OVOL2: variants seen among roughly 807,000 people sequenced by gnomAD.
The protein encoded by OVOL2 is ovo like zinc finger 2.
Under a neutral mutation model 18.1 loss-of-function variants are expected in OVOL2, and 13 were observed. That is an observed-to-expected ratio of 0.72 (90% CI 0.47 to 1.14). The LOEUF (loss-of-function observed/expected upper bound fraction) is 1.14. Ranked by LOEUF, OVOL2 falls within the 50% of genes most tolerant of loss-of-function variation. The probability of loss-of-function intolerance (pLI) is 0.00; values close to 1 mark genes in which losing one functional copy is unlikely to be tolerated. For missense variants in OVOL2, 335 were observed against 383.0 expected (o/e 0.87, Z 1.05); for synonymous variants, 166 against 162.7 (o/e 1.02, Z -0.16).
intron 3 of OVOL2, among the ~76,000 whole-genome samples, chr20:18,027,246 G>A (rs141049055): frequency 6.6e-6 from 1 of 152,172 alleles, no homozygotes; most frequent in Non-Finnish European, 1.5e-5. Context: ...GAATTGGCTG[G>A]GTGCTTCACA....
At chr20:18,042,063 C>T (rs557891439) in intron 2 of OVOL2, among the ~76,000 whole-genome samples, 1 of 151,880 alleles carries the variant, frequency 6.6e-6, no homozygotes, top group African/African-American at 2.4e-5. Context: ...GGGGCACATA[C>T]AACCACGCCT....
At chr20:18,031,434 G>A (rs569220114) in intron 3 of OVOL2, among the ~76,000 whole-genome samples, 201 of 152,230 alleles carry the variant, frequency 1.3e-3, no homozygotes, top group Middle Eastern at 6.8e-3. Flanking sequence ...AAATTTAGCC[G>A]GGCATGGTGG....
intron 3 of OVOL2, among the ~76,000 whole-genome samples, chr20:18,026,595 A>G (rs1300591246): frequency 3.3e-5 from 5 of 152,032 alleles, no homozygotes; most frequent in Admixed American, 1.3e-4. Flanking sequence ...GTTAGCCAGA[A>G]TGGTCTCGAT....
intron 3 of OVOL2, among the ~76,000 whole-genome samples, chr20:18,034,674 C>T (rs2122699081): frequency 6.6e-6 from 1 of 150,958 alleles, no homozygotes; most frequent in South Asian, 2.1e-4. Context: ...CACACACACC[C>T]CTCCGATTTA....
rs1239247967 is a variant in OVOL2 at position 18,057,036 on chromosome 20, G to T, written c.101-159C>A. On this transcript the variant is annotated intron_variant, in intron 1 of 3. Coordinates refer to ENST00000278780, the MANE Select transcript of OVOL2 (RefSeq NM_021220.4). The surrounding 1 kb of genome is among the most constrained non-coding windows in gnomAD (Gnocchi z 6.3). ...GGGGGAGGCCAGTAAGCCCCGAATC[G>T]GCCCACAGAGCTAGCTTGGGGTGCT... Among the ~76,000 whole-genome samples the T allele has an allele frequency of 1.3e-5, 2 of 152,116 alleles. No individual in the cohort carries two copies. The highest frequency in any genetic ancestry group is 2.9e-5 in the Non-Finnish European group (2 of 68,014).
At chr20:18,053,218 C>T (rs1419436423) in intron 2 of OVOL2, among the ~76,000 whole-genome samples, 1 of 152,210 alleles carries the variant, frequency 6.6e-6, no homozygotes, top group African/African-American at 2.4e-5. Context: ...TTAAAACTTG[C>T]TGTATGTCAC....
intron 3 of OVOL2, among the ~76,000 whole-genome samples, chr20:18,039,526 G>A (rs1178243129): frequency 1.3e-5 from 2 of 149,938 alleles, no homozygotes; most frequent in African/African-American, 4.9e-5. Context: ...CAGCTACTAG[G>A]GGTGCTGAAG....
intron 2 of OVOL2, 99 bp from the exon 3 acceptor site, chr20:18,041,822 T>A (rs1364278618): frequency 9.3e-7 from 1 of 1,069,934 alleles, no homozygotes; most frequent in Non-Finnish European, 1.3e-6. Context: ...GGCTGCCCTG[T>A]CTGCGGCTTC....
intron 2 of OVOL2, among the ~76,000 whole-genome samples, chr20:18,055,035 G>A (rs1338435703): frequency 6.6e-6 from 1 of 151,996 alleles, no homozygotes; most frequent in Non-Finnish European, 1.5e-5. Context: ...AAATTCCCCT[G>A]GAAACTATGG....
chr20:18,047,583 G>C (rs143527150), intron 2 of OVOL2, among the ~76,000 whole-genome samples: 2 of 148,544 alleles, frequency 1.3e-5, no homozygotes, highest in African/African-American at 5.0e-5. Context: ...GCAGGGCACA[G>C]TGGCTCACAC....
intron 3 of OVOL2, among the ~76,000 whole-genome samples, chr20:18,040,880 T>G (rs1266617217): frequency 6.6e-6 from 1 of 152,156 alleles, no homozygotes; most frequent in East Asian, 1.9e-4. Context: ...TATAAAATAC[T>G]CATTGTGGGG....
intron 2 of OVOL2, among the ~76,000 whole-genome samples, chr20:18,055,105 C>G (rs1467424080): frequency 6.6e-6 from 1 of 152,124 alleles, no homozygotes; most frequent in Non-Finnish European, 1.5e-5. Flanking sequence ...TCCCCCAGCA[C>G]ACAGGCAACT....
chr20:18,041,777 G>A, intron 2 of OVOL2, 54 bp from the exon 3 acceptor site: 15 of 1,547,970 alleles, frequency 9.7e-6, no homozygotes, highest in Non-Finnish European at 1.3e-5. Context: ...ACATCCAGTA[G>A]GCTCACTCAA....
Position 18,025,270 on chromosome 20 carries a change from A to T in OVOL2, c.512-318T>A, listed in dbSNP as rs184034226. Among the ~76,000 whole-genome samples, 235 of 152,212 alleles carry T rather than the reference A, an allele frequency of 1.5e-3. 1 individual carries two copies. The highest frequency in any genetic ancestry group is 5.5e-3 in the African/African-American group (227 of 41,526). On this transcript the variant is annotated intron_variant, in intron 3 of 3. Transcript: ENST00000278780. ...ATTATTGTGAGCAAAGTAAACTTTT[A>T]AAAAAAATTAATTCGGGCCAGGTGC...
chr20:18,055,483 G>A (rs371526731), intron 2 of OVOL2, among the ~76,000 whole-genome samples: 4 of 152,304 alleles, frequency 2.6e-5, no homozygotes, highest in Non-Finnish European at 2.9e-5. Context: ...TTACCGCTAA[G>A]CTGCCGGCCC....
At chr20:18,044,148 C>A (rs2036702482) in intron 2 of OVOL2, among the ~76,000 whole-genome samples, 1 of 152,170 alleles carries the variant, frequency 6.6e-6, no homozygotes. Context: ...CCCCTGGGGT[C>A]TTGTTAAAAT....
upstream of OVOL2, among the ~76,000 whole-genome samples, chr20:18,058,220 C>T (rs1290564592): frequency 1.3e-5 from 2 of 152,090 alleles, no homozygotes; most frequent in African/African-American, 2.4e-5. Flanking sequence ...CCTCCCCCGC[C>T]CGGTGGATTT....
intron 3 of OVOL2, among the ~76,000 whole-genome samples, chr20:18,031,701 G>A (rs1483461570): frequency 1.3e-5 from 2 of 152,222 alleles, no homozygotes; most frequent in Non-Finnish European, 2.9e-5. Context: ...CAAAAGGAAA[G>A]GATAATTTTT....
chr20:18,043,804 G>A (rs2036699565), intron 2 of OVOL2, among the ~76,000 whole-genome samples: 1 of 152,272 alleles, frequency 6.6e-6, no homozygotes, highest in African/African-American at 2.4e-5. Context: ...CTACATCTGG[G>A]TGATAAAAAT....
Sources: allele counts gnomAD v4.1 joint callset (sites outside exome capture counted in the v4.1 genomes callset), GRCh38; gene constraint gnomAD v4.1.1; non-coding constraint Gnocchi (gnomAD v3.1); transcripts MANE v1.5; gene names NCBI Gene and HGNC (gene_info 2026-07-23, HGNC 2026-07-21).